Variants in STK39 observed in about 807,000 individuals in gnomAD.
STK39 encodes the protein serine/threonine kinase 39, also known as STE20/SPS1-related proline-alanine-rich protein kinase.
STK39 carries 20 observed loss-of-function variants against 77.8 expected under a neutral mutation model. The observed-to-expected ratio is 0.26, with a 90% confidence interval of 0.18 to 0.37. The LOEUF (loss-of-function observed/expected upper bound fraction) is 0.37, where lower values mean the gene tolerates loss of function less well. Among genes scored for constraint, STK39 ranks in the 10% least tolerant of loss-of-function variants. STK39 has a pLI of 1.00. For synonymous variants in STK39, 246 were observed against 234.1 expected (o/e 1.05, Z -0.47); for missense variants, 479 against 656.5 (o/e 0.73, Z 2.95).
chr2:168,179,370 C>T (rs748332076), intron 2 of STK39, among the ~76,000 whole-genome samples: 3 of 152,156 alleles, frequency 2.0e-5, no homozygotes, highest in Non-Finnish European at 2.9e-5. Flanking sequence ...CCTGGCAAAT[C>T]AGGCAGGCTA....
chr2:168,019,825 T>G (rs1415600162), intron 14 of STK39, among the ~76,000 whole-genome samples: 1 of 152,174 alleles, frequency 6.6e-6, no homozygotes, highest in African/African-American at 2.4e-5. Flanking sequence ...TGCCTCAGCC[T>G]CCCGAGCAGC....
intron 14 of STK39, 114 bp from the exon 15 acceptor site, chr2:168,017,209 T>C: frequency 1.9e-6 from 1 of 538,642 alleles, no homozygotes; most frequent in Non-Finnish European, 3.1e-6. Flanking sequence ...TTTTACAGTT[T>C]GAGGTTACCT....
At chr2:168,028,615 A>T (rs1473148473) in intron 14 of STK39, among the ~76,000 whole-genome samples, 1 of 152,200 alleles carries the variant, frequency 6.6e-6, no homozygotes, top group Admixed American at 6.5e-5. Context: ...AGCAGGAAAA[A>T]ATGTTAATCA....
intron 16 of STK39, among the ~76,000 whole-genome samples, chr2:167,979,718 G>C (rs1463980091): frequency 6.6e-6 from 1 of 152,212 alleles, no homozygotes; most frequent in Non-Finnish European, 1.5e-5. Flanking sequence ...ATCTTGGAAA[G>C]TGTGCTAGAG....
intron 15 of STK39, among the ~76,000 whole-genome samples, chr2:168,013,484 C>T (rs548341515): frequency 6.6e-6 from 1 of 152,208 alleles, no homozygotes; most frequent in East Asian, 1.9e-4. Context: ...GTTATAAGCC[C>T]CCACGTTTTT....
intron 1 of STK39, among the ~76,000 whole-genome samples, chr2:168,212,837 C>A (rs1689925837): frequency 1.3e-5 from 2 of 152,160 alleles, no homozygotes; most frequent in South Asian, 4.1e-4. Context: ...TAAATGTTCC[C>A]AGTGTTACTG....
chr2:167,956,726 TCTC>T (rs1691791721), intron 17 of STK39, among the ~76,000 whole-genome samples: 1 of 47,758 alleles, frequency 2.1e-5, no homozygotes, highest in East Asian at 3.4e-4. Flanking sequence ...TCTCTCTCTC[TCTC>T]CCCCCCCGCC....
At chr2:168,164,217 T>C (rs1481270845) in intron 3 of STK39, among the ~76,000 whole-genome samples, 1 of 151,918 alleles carries the variant, frequency 6.6e-6, no homozygotes, top group African/African-American at 2.4e-5. Flanking sequence ...GCAAAAAGTC[T>C]GAACTGACAA....
At chr2:168,180,552 T>C (rs1452835715) in intron 2 of STK39, among the ~76,000 whole-genome samples, 2 of 152,154 alleles carry the variant, frequency 1.3e-5, no homozygotes, top group African/African-American at 2.4e-5. Context: ...CGCAGAGCTG[T>C]TGTGTAACTC....
intron 5 of STK39, among the ~76,000 whole-genome samples, chr2:168,144,962 C>T (rs1252877518): frequency 1.4e-5 from 2 of 143,044 alleles, no homozygotes; most frequent in Non-Finnish European, 3.0e-5. Context: ...GTCTAGGCAA[C>T]AGAGTGAGCC....
chr2:168,206,450 G>A (rs540886864), intron 1 of STK39, among the ~76,000 whole-genome samples: 8 of 152,090 alleles, frequency 5.3e-5, no homozygotes, highest in South Asian at 2.1e-4. Flanking sequence ...ACAAGCGTCC[G>A]CCACCACACC....
chr2:168,154,455 C>T (rs964839829), intron 5 of STK39, among the ~76,000 whole-genome samples: 14 of 152,264 alleles, frequency 9.2e-5, no homozygotes, highest in Admixed American at 7.8e-4. Context: ...AAATCATATT[C>T]CACAGAATGT....
intron 14 of STK39, among the ~76,000 whole-genome samples, chr2:168,062,921 TA>T (rs998708767): frequency 3.4e-4 from 51 of 150,396 alleles, no homozygotes; most frequent in African/African-American, 6.8e-4. Flanking sequence ...TTTAAATAAT[TA>T]AAAAAAAAAT....
At chr2:168,220,818 C>T in intron 1 of STK39, among the ~76,000 whole-genome samples, 1 of 152,170 alleles carries the variant, frequency 6.6e-6, no homozygotes. Flanking sequence ...AGATTATACA[C>T]ACTGCCCTCA....
At chr2:168,001,481 T>C (rs889985969) in intron 16 of STK39, among the ~76,000 whole-genome samples, 4 of 150,330 alleles carry the variant, frequency 2.7e-5, no homozygotes, top group Admixed American at 6.7e-5. Flanking sequence ...GATTAAGAAC[T>C]AGGCTTTCTT....
At chr2:167,992,638 T>C (rs1683731427) in intron 16 of STK39, among the ~76,000 whole-genome samples, 2 of 152,198 alleles carry the variant, frequency 1.3e-5, no homozygotes, top group Admixed American at 1.3e-4. Flanking sequence ...ACAGAAAATA[T>C]GGGCTGAAGT....
At chr2:168,232,062 C>G (rs1690469803) in intron 1 of STK39, 1 of 251,702 alleles carries the variant, frequency 4.0e-6, no homozygotes, top group African/African-American at 2.3e-5. Flanking sequence ...GACTCCAGGA[C>G]CTCCAGAGAC....
At chr2:168,232,211 G>C (rs148985386) in intron 1 of STK39, 1 of 195,978 alleles carries the variant, frequency 5.1e-6, no homozygotes, top group Non-Finnish European at 1.2e-5. Context: ...GCCTGCTTGC[G>C]GCAAAAGATC....
rs114734110 is a variant in STK39, at chr2:168,120,572, C to G, written c.1089+8969G>C. ...GTTCTAGCAGCAGCAGAAATGGGAA[C>G]AGCAGCAGGGGTGCCCACAGCTGTG... On this transcript the variant is annotated intron_variant, in intron 10 of 17. Transcript: ENST00000355999. Among the ~76,000 whole-genome samples the G allele has an allele frequency of 2.6e-3, 396 of 152,294 alleles. 2 individuals are homozygous for G. The highest frequency in any genetic ancestry group is 8.9e-3 in the African/African-American group (368 of 41,558).
Sources: gnomAD v4.1 joint callset for allele counts (sites outside exome capture counted in the v4.1 genomes callset) on GRCh38, gnomAD v4.1.1 for gene constraint, MANE v1.5 for transcripts, NCBI Gene and HGNC (gene_info 2026-07-23, HGNC 2026-07-21) for gene names.